PRKCE: variants seen among roughly 807,000 people sequenced by gnomAD.
PRKCE encodes the protein protein kinase C epsilon type.
A neutral mutation model predicts 85.4 loss-of-function variants in PRKCE; 16 were observed. That is an observed-to-expected ratio of 0.19 (90% CI 0.13 to 0.28). PRKCE has a LOEUF of 0.28. Among genes scored for constraint, PRKCE ranks in the 10% least tolerant of loss-of-function variants. The probability of loss-of-function intolerance (pLI) is 1.00; values close to 1 mark genes in which losing one functional copy is unlikely to be tolerated. For synonymous variants in PRKCE, 388 were observed against 371.5 expected, an observed-to-expected ratio of 1.04 and a Z score of -0.51; for missense variants, 573 against 975.2, an observed-to-expected ratio of 0.59 and a Z score of 5.49.
chr2:45,916,559 C>G (rs1474263545), intron 2 of PRKCE, among the ~76,000 whole-genome samples: 3 of 152,154 alleles, frequency 2.0e-5, no homozygotes, highest in African/African-American at 7.2e-5. Context: ...TAAGCCATTT[C>G]TTATTTGGCA....
intron 2 of PRKCE, among the ~76,000 whole-genome samples, chr2:45,879,502 G>A (rs1694724450): frequency 6.6e-6 from 1 of 152,224 alleles, no homozygotes; most frequent in South Asian, 2.1e-4. Flanking sequence ...AAACACTTAA[G>A]CTGTCCCCAG....
intron 1 of PRKCE, among the ~76,000 whole-genome samples, chr2:45,788,699 T>A (rs1179265718): frequency 1.3e-5 from 2 of 152,226 alleles, no homozygotes; most frequent in Non-Finnish European, 2.9e-5. Context: ...CTGAAAGGGA[T>A]GTATGTGGAC....
At chr2:46,165,549 G>A (rs1348185158) in intron 14 of PRKCE, among the ~76,000 whole-genome samples, 1 of 152,212 alleles carries the variant, frequency 6.6e-6, no homozygotes, top group Non-Finnish European at 1.5e-5. Flanking sequence ...TATCCCATTG[G>A]GGATTTCATC....
intron 10 of PRKCE, among the ~76,000 whole-genome samples, chr2:46,015,152 G>T (rs1706018358): frequency 6.6e-6 from 1 of 152,046 alleles, no homozygotes; most frequent in South Asian, 2.1e-4. Flanking sequence ...TTTTGGAATT[G>T]CCTCTCCCAG....
rs1675163730 is a variant in PRKCE at position 46,138,011 on chromosome 2, A to T, written c.1593-7082A>T. Among the ~76,000 whole-genome samples the T allele has an allele frequency of 6.6e-6, 1 of 152,184 alleles. No homozygotes were observed. The highest frequency in any genetic ancestry group is 2.4e-5 in the African/African-American group (1 of 41,434). On this transcript the variant is annotated intron_variant, in intron 11 of 14. Coordinates refer to ENST00000306156, the MANE Select transcript of PRKCE (RefSeq NM_005400.3). The surrounding 1 kb of genome is among the most constrained non-coding windows in gnomAD (Gnocchi z 4.2). ...TTAGTATAGTTAGTCTTAGAAGTCA[A>T]ACTTTTTGTTTTTCCCCTGAGACTA...
intron 1 of PRKCE, among the ~76,000 whole-genome samples, chr2:45,775,174 G>A (rs1376742619): frequency 1.3e-5 from 2 of 152,108 alleles, no homozygotes; most frequent in Non-Finnish European, 2.9e-5. Context: ...TATCTCATTT[G>A]CTCATAAGGA....
chr2:45,756,120 T>A (rs1054072559), intron 1 of PRKCE, among the ~76,000 whole-genome samples: 4 of 152,168 alleles, frequency 2.6e-5, no homozygotes, highest in African/African-American at 9.7e-5. Flanking sequence ...ACAGAATTCT[T>A]AAAACATGAT....
chr2:46,159,561 G>C lies in PRKCE; in HGVS notation c.1921-45G>C. 6.4e-7 allele frequency: 1 copy of C among 1,551,388 alleles called. No individual in the cohort carries two copies. Among genetic ancestry groups the C allele is most frequent in the South Asian group, 1.2e-5 (1 of 83,292 alleles). The stretch of plus-strand genomic sequence containing the variant: ...CATCTGTCCCTTATAGCCTGTGCTG[G>C]CCAGGCCTTTGTCACTAATTCCGAC... On this transcript the variant is annotated intron_variant, in intron 13 of 14. Coordinates refer to ENST00000306156, the MANE Select transcript of PRKCE (RefSeq NM_005400.3). The surrounding 1 kb of genome is among the most constrained non-coding windows in gnomAD (Gnocchi z 4.1).
chr2:45,653,472 G>C (rs1001728029), intron 1 of PRKCE, among the ~76,000 whole-genome samples: 4 of 137,378 alleles, frequency 2.9e-5, no homozygotes, highest in African/African-American at 1.1e-4. Flanking sequence ...TTTCCAGCAA[G>C]TACAAGCGTT....
At chr2:45,758,606 A>G (rs764847196) in intron 1 of PRKCE, among the ~76,000 whole-genome samples, 5 of 152,214 alleles carry the variant, frequency 3.3e-5, no homozygotes, top group Non-Finnish European at 7.3e-5. Flanking sequence ...GCCAGCCACT[A>G]TATTGAAAAT....
chr2:46,158,415 A>G (rs1157148692), intron 13 of PRKCE, among the ~76,000 whole-genome samples: 3 of 152,152 alleles, frequency 2.0e-5, no homozygotes, highest in Non-Finnish European at 4.4e-5. Context: ...CCAAGGTGTT[A>G]AAGTGGGGGT....
chr2:46,182,264 C>T (rs1680057095), intron 14 of PRKCE, among the ~76,000 whole-genome samples: 1 of 152,156 alleles, frequency 6.6e-6, no homozygotes, highest in Non-Finnish European at 1.5e-5. Flanking sequence ...TGAATCCCTC[C>T]CCCTTCCACA....
In PRKCE at chr2:45,839,703, G is replaced by A. The variant is rs115636327; in HGVS notation, c.349-3297G>A. ...GAATTTATGATTAAACTAATTCAGC[G>A]GTGAAGTTGTGCCACACTCTTCACC... On this transcript the variant is annotated intron_variant, in intron 1 of 14. Coordinates refer to ENST00000306156, the MANE Select transcript of PRKCE (RefSeq NM_005400.3). 6.5e-3 allele frequency among the ~76,000 whole-genome samples: 990 copies of A among 152,238 alleles called. 16 individuals are homozygous for A. Among genetic ancestry groups the A allele is most frequent in the African/African-American group, 0.023 (946 of 41,526 alleles).
At chr2:46,027,775 G>C (rs1052532576) in intron 10 of PRKCE, among the ~76,000 whole-genome samples, 17 of 152,250 alleles carry the variant, frequency 1.1e-4, no homozygotes, top group Admixed American at 2.0e-4. Context: ...AAGAAGTGTG[G>C]TGACTGGTCC....
In PRKCE at chr2:45,847,301, T is replaced by C. The variant is rs568623513; in HGVS notation, c.412+4238T>C. On this transcript the variant is annotated intron_variant, in intron 2 of 14. Coordinates refer to ENST00000306156, the MANE Select transcript of PRKCE (RefSeq NM_005400.3). The stretch of plus-strand genomic sequence containing the variant: ...TCCCTGCTTAGTGTGGACCATAGCA[T>C]GTGGTCCCCATCCTCTCACCAGCCC... Among the ~76,000 whole-genome samples, 9 of 152,368 alleles carry C rather than the reference T, an allele frequency of 5.9e-5. No homozygotes were observed. The East Asian group carries it at 1.7e-3, about 29-fold the overall frequency.
At chr2:46,117,647 C>A (rs1672908151) in intron 11 of PRKCE, among the ~76,000 whole-genome samples, 1 of 152,236 alleles carries the variant, frequency 6.6e-6, no homozygotes, top group African/African-American at 2.4e-5. Context: ...TTTTTACCTT[C>A]TGATCCTCAA....
chr2:46,104,296 C>CT (rs59018550), intron 11 of PRKCE, among the ~76,000 whole-genome samples: 39,300 of 118,240 alleles, frequency 0.33, 7,382 homozygotes, highest in East Asian at 0.6. Flanking sequence ...TCACCTTGTA[C>CT]TTTTTTTTTT....
intron 1 of PRKCE, among the ~76,000 whole-genome samples, chr2:45,767,526 G>T (rs1027330558): frequency 1.2e-4 from 18 of 152,336 alleles, no homozygotes; most frequent in African/African-American, 4.1e-4. Flanking sequence ...AGTTTATACA[G>T]GAAGGCACTG....
chr2:45,974,311 G>C (rs1033577809), intron 2 of PRKCE, among the ~76,000 whole-genome samples: 3 of 152,214 alleles, frequency 2.0e-5, no homozygotes, highest in African/African-American at 7.2e-5. Context: ...TGAGAATTTG[G>C]TCAGCAGGTC....
Sources: gnomAD v4.1 joint callset for allele counts (sites outside exome capture counted in the v4.1 genomes callset) on GRCh38, gnomAD v4.1.1 for gene constraint, Gnocchi (gnomAD v3.1) non-coding constraint, MANE v1.5 for transcripts, NCBI Gene and HGNC (gene_info 2026-07-23, HGNC 2026-07-21) for gene names.